RBFOX1: variants seen among roughly 807,000 people sequenced by gnomAD.
RBFOX1 encodes RNA binding fox-1 homolog 1.
Under a neutral mutation model 57.7 loss-of-function variants are expected in RBFOX1, and 8 were observed. The observed-to-expected ratio is 0.14, with a 90% CI of 0.08 to 0.25. The LOEUF is 0.25. Ranked by LOEUF, RBFOX1 falls within the 10% of genes least tolerant of loss-of-function variation. The probability of loss-of-function intolerance (pLI) is 1.00; values close to 1 mark genes in which losing one functional copy is unlikely to be tolerated. For synonymous variants in RBFOX1, 326 were observed against 222.4 expected, an observed-to-expected ratio of 1.47 and a Z score of -4.15; for missense variants, 611 against 548.5, an observed-to-expected ratio of 1.11 and a Z score of -1.14.
intron 4 of RBFOX1, among the ~76,000 whole-genome samples, chr16:7,437,666 G>T (rs1157169300): frequency 6.6e-6 from 1 of 152,096 alleles, no homozygotes; most frequent in Admixed American, 6.5e-5. Context: ...AACGATTAAG[G>T]CCGGAGTAGG....
At chr16:5,355,873 C>G (rs1567378758) in intron 1 of RBFOX1, among the ~76,000 whole-genome samples, 2 of 152,062 alleles carry the variant, frequency 1.3e-5, no homozygotes, top group Non-Finnish European at 2.9e-5. Flanking sequence ...GGTGAATCGC[C>G]TGAGACTAGG....
At chr16:7,377,506 T>C (rs944703991) in intron 4 of RBFOX1, among the ~76,000 whole-genome samples, 7 of 152,196 alleles carry the variant, frequency 4.6e-5, no homozygotes, top group African/African-American at 1.7e-4. Flanking sequence ...AAAAATACTG[T>C]AGTAACAGCC....
At chr16:7,358,366 C>G (rs902360515) in intron 4 of RBFOX1, among the ~76,000 whole-genome samples, 1 of 152,082 alleles carries the variant, frequency 6.6e-6, no homozygotes, top group Non-Finnish European at 1.5e-5. Context: ...TAAGCAGCTC[C>G]TGCATTTTAT....
chr16:6,612,524 T>C lies in RBFOX1; in HGVS notation c.-63-42079T>C, dbSNP rs576785047. On this transcript the variant is annotated intron_variant, in intron 2 of 15. Transcript: ENST00000550418. Reference sequence around the variant, plus strand: ...TTGGAATTGGATGGTGAGCTTGCCATGAGGCTAGAGCCATTCATTTCCCAG... The same window carrying C: ...TTGGAATTGGATGGTGAGCTTGCCACGAGGCTAGAGCCATTCATTTCCCAG... 3.9e-5 allele frequency among the ~76,000 whole-genome samples: 6 copies of C among 152,266 alleles called. No individual in the cohort carries two copies. In the South Asian group the frequency reaches 1.2e-3, roughly 32 times the overall value.
intron 3 of RBFOX1, among the ~76,000 whole-genome samples, chr16:6,828,513 A>G (rs1029355201): frequency 5.9e-5 from 9 of 151,372 alleles, no homozygotes; most frequent in Non-Finnish European, 1.3e-4. Flanking sequence ...ACAGAGCGAG[A>G]CGTGTCTTTA....
rs111308498 is a variant in RBFOX1, at chr16:6,840,903, A to AAAG, written c.-16+186254_-16+186255insAGA. On this transcript the variant is annotated intron_variant, in intron 3 of 15. Transcript: ENST00000550418. ...ACTCTGTCTCAAAAAAAAAAAAAAA[A>AAAG]ACGAAAAAAGGTTTGAGAGACCCCT... 6.6e-4 allele frequency among the ~76,000 whole-genome samples: 99 copies of AAAG among 151,000 alleles called. 1 individual carries two copies. The highest frequency in any genetic ancestry group is 2.3e-3 in the African/African-American group (94 of 40,904).
intron 1 of RBFOX1, among the ~76,000 whole-genome samples, chr16:5,407,796 G>A (rs551892314): frequency 5.3e-5 from 8 of 152,194 alleles, no homozygotes; most frequent in Non-Finnish European, 1.2e-4. Flanking sequence ...CGATCCAACT[G>A]CCCCGGCCTC....
chr16:5,738,799 C>T (rs1463119107), intron 3 of RBFOX1, among the ~76,000 whole-genome samples: 1 of 152,150 alleles, frequency 6.6e-6, no homozygotes, highest in Non-Finnish European at 1.5e-5. Flanking sequence ...GTAAACATAT[C>T]ACAGTGGAAT....
At chr16:5,702,269 C>G in intron 3 of RBFOX1, among the ~76,000 whole-genome samples, 1 of 152,268 alleles carries the variant, frequency 6.6e-6, no homozygotes. Flanking sequence ...CAAGCCCCTT[C>G]TTCACATGCC....
intron 4 of RBFOX1, among the ~76,000 whole-genome samples, chr16:5,986,018 A>T (rs1244361559): frequency 6.6e-6 from 1 of 151,362 alleles, no homozygotes; most frequent in Non-Finnish European, 1.5e-5. Flanking sequence ...TTTTTTGGGT[A>T]CCCAAAATTC....
At chr16:6,913,697 G>A (rs1597055906) in intron 3 of RBFOX1, among the ~76,000 whole-genome samples, 1 of 152,144 alleles carries the variant, frequency 6.6e-6, no homozygotes, top group African/African-American at 2.4e-5. Context: ...TTGCCTAGCT[G>A]GGCCAGGCTC....
chr16:5,800,635 G>T (rs1567558377), intron 3 of RBFOX1, among the ~76,000 whole-genome samples: 1 of 152,182 alleles, frequency 6.6e-6, no homozygotes, highest in Non-Finnish European at 1.5e-5. Flanking sequence ...ACTTTTAGTG[G>T]CCTATTACCT....
In RBFOX1 at chr16:5,944,860, G is replaced by A. The variant is rs1305835428; in HGVS notation, c.351+77525G>A. ...TGTAGTCCCAGCTACTCAGGAGGCAGAAGGCTGAGGCAGGAGAATCACTTG... is the reference window on the plus strand; with the variant it reads ...TGTAGTCCCAGCTACTCAGGAGGCAAAAGGCTGAGGCAGGAGAATCACTTG... On this transcript the variant is annotated intron_variant, in intron 4 of 19. Coordinates refer to the RBFOX1 transcript ENST00000641259. Among the ~76,000 whole-genome samples, 13 of 143,298 alleles carry A rather than the reference G, an allele frequency of 9.1e-5. No individual in the cohort carries two copies. The East Asian group carries it at 2.7e-3, about 29-fold the overall frequency. The allele number at this position is 143,298 out of a possible 152,430, so 94.0% of individuals were successfully genotyped here.
At chr16:6,898,640 C>T (rs755106043) in intron 3 of RBFOX1, among the ~76,000 whole-genome samples, 11 of 152,048 alleles carry the variant, frequency 7.2e-5, no homozygotes, top group Non-Finnish European at 1.3e-4. Context: ...TGGAGTGTTT[C>T]TGAAAGAGAT....
chr16:5,439,252 A>T (rs1037335965), intron 1 of RBFOX1, among the ~76,000 whole-genome samples: 1 of 152,110 alleles, frequency 6.6e-6, no homozygotes, highest in African/African-American at 2.4e-5. Flanking sequence ...AATCTTGGAA[A>T]GGTAGGCGAG....
At chr16:7,042,108 C>A (rs544982046) in intron 3 of RBFOX1, among the ~76,000 whole-genome samples, 1 of 152,268 alleles carries the variant, frequency 6.6e-6, no homozygotes, top group East Asian at 1.9e-4. Flanking sequence ...GGAAATTATA[C>A]TGGTTCTTAC....
rs560308433 is a variant in RBFOX1, at chr16:5,776,800, C to G, written c.319-90503C>G. On this transcript the variant is annotated intron_variant, in intron 3 of 19. Transcript: ENST00000641259. The stretch of plus-strand genomic sequence containing the variant: ...ACAGGTATGAAGATGTGTCTACTTT[C>G]TCCCTCCAGAACAGCCCTGTCCAGG... 2.6e-5 allele frequency among the ~76,000 whole-genome samples: 4 copies of G among 152,300 alleles called. No homozygotes were observed. The East Asian group carries it at 5.8e-4, about 22-fold the overall frequency.
intron 3 of RBFOX1, among the ~76,000 whole-genome samples, chr16:6,879,625 G>A (rs556803185): frequency 1.3e-5 from 2 of 152,268 alleles, no homozygotes; most frequent in South Asian, 2.1e-4. Context: ...TATGTCATGC[G>A]ATGTTTTAGG....
At chr16:5,319,823 C>T (rs988787828) in intron 1 of RBFOX1, among the ~76,000 whole-genome samples, 1 of 152,216 alleles carries the variant, frequency 6.6e-6, no homozygotes, top group Non-Finnish European at 1.5e-5. Flanking sequence ...GATCCAGGCT[C>T]CTTCAACTCT....
Sources: allele counts gnomAD v4.1 joint callset (sites outside exome capture counted in the v4.1 genomes callset), GRCh38; gene constraint gnomAD v4.1.1; transcripts MANE v1.5; gene names NCBI Gene and HGNC (gene_info 2026-07-23, HGNC 2026-07-21).